Variants in SEL1L2 observed in about 807,000 individuals in gnomAD.
The protein encoded by SEL1L2 is protein sel-1 homolog 2.
Under a neutral mutation model 98.8 loss-of-function variants are expected in SEL1L2, and 89 were observed. That is an observed-to-expected ratio of 0.90 (90% CI 0.76 to 1.07). SEL1L2 has a LOEUF of 1.07. SEL1L2 is among the 50% of genes least tolerant of loss of function. SEL1L2 has a pLI of 0.00. For synonymous variants in SEL1L2, 262 were observed against 278.5 expected, an observed-to-expected ratio of 0.94 and a Z score of 0.59; for missense variants, 788 against 812.0, an observed-to-expected ratio of 0.97 and a Z score of 0.36.
chr20:13,898,275 T>C (rs960471616), intron 5 of SEL1L2, among the ~76,000 whole-genome samples: 3 of 151,900 alleles, frequency 2.0e-5, no homozygotes, highest in Non-Finnish European at 2.9e-5. Context: ...AGATAGCCCA[T>C]CCCCTGACCC....
At chr20:13,973,978 G>A (rs1256973800) in intron 1 of SEL1L2, among the ~76,000 whole-genome samples, 1 of 152,200 alleles carries the variant, frequency 6.6e-6, no homozygotes, top group Non-Finnish European at 1.5e-5. Context: ...TTGGGAAGGG[G>A]TAGTGTGCCC....
At chr20:13,886,238 C>T (rs1238154002) in intron 9 of SEL1L2, 50 bp downstream of exon 9, 1 of 1,382,714 alleles carries the variant, frequency 7.2e-7, no homozygotes, top group Non-Finnish European at 1.0e-6. Context: ...AGAATTAAGC[C>T]CCTTGTAATT....
At chr20:13,892,259 G>T (rs1025897601) in intron 5 of SEL1L2, among the ~76,000 whole-genome samples, 1 of 151,988 alleles carries the variant, frequency 6.6e-6, no homozygotes. Context: ...AAATCAGCCT[G>T]GCCAACATGG....
At chr20:13,872,422 C>T (rs865879710) in intron 12 of SEL1L2, among the ~76,000 whole-genome samples, 3 of 152,148 alleles carry the variant, frequency 2.0e-5, no homozygotes, top group Middle Eastern at 3.2e-3. Flanking sequence ...CTCTTTTGCT[C>T]GGCACTTCTC....
chr20:13,860,350 C>T (rs1432897316), intron 17 of SEL1L2, among the ~76,000 whole-genome samples: 1 of 152,212 alleles, frequency 6.6e-6, no homozygotes, highest in African/African-American at 2.4e-5. Flanking sequence ...TCAACCCACT[C>T]CAAACTGGCT....
rs539004470 is a variant in SEL1L2 at position 13,975,756 on chromosome 20, T to C, written c.58+14721A>G. 6.6e-5 allele frequency among the ~76,000 whole-genome samples: 10 copies of C among 152,350 alleles called. No homozygotes were observed. In the South Asian group the frequency reaches 1.9e-3, roughly 28 times the overall value. On this transcript the variant is annotated intron_variant, in intron 1 of 19. Transcript: ENST00000284951. ...TGTAATCACGTAGTTAGCAATCTGC[T>C]AAGGGAGTTAAAAACTAACTTAGTT...
intron 10 of SEL1L2, among the ~76,000 whole-genome samples, chr20:13,883,010 C>T (rs1337152792): frequency 7.7e-4 from 113 of 145,868 alleles, no homozygotes; most frequent in Admixed American, 8.8e-4. Flanking sequence ...TTAGTAGAGA[C>T]GGGGTTTCAC....
upstream of SEL1L2, among the ~76,000 whole-genome samples, chr20:13,993,799 T>C (rs1052729470): frequency 9.2e-5 from 14 of 152,232 alleles, no homozygotes; most frequent in Non-Finnish European, 1.8e-4. Flanking sequence ...ACCCATCCTA[T>C]GAAATGTTTT....
intron 2 of SEL1L2, among the ~76,000 whole-genome samples, chr20:13,945,135 C>A (rs1444518129): frequency 1.3e-5 from 2 of 152,110 alleles, no homozygotes; most frequent in Non-Finnish European, 2.9e-5. Context: ...AATGGAAGAT[C>A]TATATGAGGA....
chr20:13,991,799 G>A (rs773163175), upstream of SEL1L2, among the ~76,000 whole-genome samples: 1 of 152,026 alleles, frequency 6.6e-6, no homozygotes, highest in Non-Finnish European at 1.5e-5. Flanking sequence ...TCGAGACCAG[G>A]CTGACCACCA....
chr20:13,942,329 G>A (rs961691821), intron 2 of SEL1L2, among the ~76,000 whole-genome samples: 2 of 152,212 alleles, frequency 1.3e-5, no homozygotes, highest in African/African-American at 4.8e-5. Context: ...CCAGACACTA[G>A]TGAAGAAAGT....
chr20:13,962,590 T>C (rs1227150471), intron 1 of SEL1L2, among the ~76,000 whole-genome samples: 1 of 152,202 alleles, frequency 6.6e-6, no homozygotes, highest in African/African-American at 2.4e-5. Context: ...TCATTGTTGT[T>C]TGAACTCACT....
intron 13 of SEL1L2, 126 bp from the exon 14 acceptor site, chr20:13,869,716 A>C (rs937821450): frequency 1.3e-5 from 8 of 632,708 alleles, no homozygotes; most frequent in Middle Eastern, 3.0e-4. Context: ...AAATAGTATC[A>C]GAAACATTAT....
At chr20:13,914,271 G>A (rs1251571404) in intron 4 of SEL1L2, among the ~76,000 whole-genome samples, 1 of 152,130 alleles carries the variant, frequency 6.6e-6, no homozygotes, top group Non-Finnish European at 1.5e-5. Flanking sequence ...GTGAAAAATT[G>A]AGGAACTTTT....
chr20:13,953,649 T>C (rs887929508), intron 2 of SEL1L2, among the ~76,000 whole-genome samples: 3 of 152,122 alleles, frequency 2.0e-5, no homozygotes, highest in African/African-American at 4.8e-5. Context: ...TATTCCGGGG[T>C]TGGTAACCTG....
chr20:13,852,841 A>G (rs1988497954), intron 18 of SEL1L2, among the ~76,000 whole-genome samples: 1 of 152,226 alleles, frequency 6.6e-6, no homozygotes, highest in Non-Finnish European at 1.5e-5. Flanking sequence ...TTCCAGCCCC[A>G]AATCTTTGGA....
intron 5 of SEL1L2, among the ~76,000 whole-genome samples, chr20:13,900,062 T>C (rs2047602133): frequency 6.6e-6 from 1 of 152,226 alleles, no homozygotes; most frequent in Admixed American, 6.5e-5. Context: ...CTGATGGTTT[T>C]ATTTTATAGA....
At chr20:13,931,048 A>ATT (rs11469570) in intron 3 of SEL1L2, among the ~76,000 whole-genome samples, 1 of 144,228 alleles carries the variant, frequency 6.9e-6, no homozygotes, top group Non-Finnish European at 1.5e-5. Context: ...AGGAGTATCT[A>ATT]TTTTTTTTTT....
intron 5 of SEL1L2, among the ~76,000 whole-genome samples, chr20:13,910,708 A>G (rs1373255472): frequency 6.6e-6 from 1 of 152,194 alleles, no homozygotes; most frequent in Admixed American, 6.5e-5. Context: ...ATTCTTCCAC[A>G]TGATTTTCCT....
Sources: allele counts gnomAD v4.1 joint callset (sites outside exome capture counted in the v4.1 genomes callset), GRCh38; gene constraint gnomAD v4.1.1; transcripts MANE v1.5; gene names NCBI Gene and HGNC (gene_info 2026-07-23, HGNC 2026-07-21).